Variants in TRAPPC9 observed in about 807,000 individuals in gnomAD.
TRAPPC9 encodes IKK2 binding protein.
A neutral mutation model predicts 124.0 loss-of-function variants in TRAPPC9; 83 were observed. The observed-to-expected ratio is 0.67, with a 90% CI of 0.56 to 0.80. The LOEUF is 0.80. TRAPPC9 is among the 30% of genes least tolerant of loss of function. The probability of loss-of-function intolerance (pLI) is 0.00; values close to 1 mark genes in which losing one functional copy is unlikely to be tolerated. For missense variants in TRAPPC9, 1,302 were observed against 1,508.3 expected (o/e 0.86, Z 2.27); for synonymous variants, 638 against 617.5 (o/e 1.03, Z -0.49).
intron 20 of TRAPPC9, among the ~76,000 whole-genome samples, chr8:139,893,532 G>T (rs1027620666): frequency 1.3e-5 from 2 of 152,264 alleles, no homozygotes; most frequent in African/African-American, 4.8e-5. Flanking sequence ...TTTCTTTGAA[G>T]CTCTCATGTC....
intron 9 of TRAPPC9, among the ~76,000 whole-genome samples, chr8:140,325,411 G>A (rs1256181714): frequency 3.3e-5 from 5 of 152,100 alleles, no homozygotes; most frequent in African/African-American, 1.2e-4. Flanking sequence ...TAAACCCCTA[G>A]AAGAGAAACA....
chr8:139,935,439 G>C (rs985885760), intron 19 of TRAPPC9, among the ~76,000 whole-genome samples: 4 of 152,166 alleles, frequency 2.6e-5, no homozygotes, highest in Non-Finnish European at 4.4e-5. Context: ...CGTTCTTACA[G>C]GAATTCAATG....
At chr8:140,029,194 G>C (rs968702461) in intron 17 of TRAPPC9, among the ~76,000 whole-genome samples, 5 of 152,190 alleles carry the variant, frequency 3.3e-5, no homozygotes, top group Non-Finnish European at 7.3e-5. Flanking sequence ...GCCAATTGAA[G>C]ACAAATCAAG....
At chr8:139,805,872 A>C (rs1372215990) in intron 21 of TRAPPC9, among the ~76,000 whole-genome samples, 1 of 152,196 alleles carries the variant, frequency 6.6e-6, no homozygotes, top group Admixed American at 6.5e-5. Flanking sequence ...CTGAACTAAA[A>C]TGCAAGCCTG....
At chr8:140,247,703 T>C (rs538116860) in intron 16 of TRAPPC9, among the ~76,000 whole-genome samples, 45 of 152,328 alleles carry the variant, frequency 3.0e-4, no homozygotes, top group Admixed American at 1.8e-3. Flanking sequence ...GTACGTTAGA[T>C]CTTCTTTGCC....
At chr8:139,998,815 G>C (rs931960526) in intron 18 of TRAPPC9, among the ~76,000 whole-genome samples, 1 of 152,158 alleles carries the variant, frequency 6.6e-6, no homozygotes, top group Non-Finnish European at 1.5e-5. Flanking sequence ...GGTTTACAAT[G>C]TATACAGATT....
intron 9 of TRAPPC9, among the ~76,000 whole-genome samples, chr8:140,323,719 T>C (rs1156634182): frequency 6.6e-6 from 1 of 152,000 alleles, no homozygotes; most frequent in Non-Finnish European, 1.5e-5. Context: ...ATATATTTTA[T>C]TCTCCCAAAT....
Position 140,182,070 on chromosome 8 carries a change from T to C in TRAPPC9, c.2556+39389A>G, listed in dbSNP as rs2062217918. Reference sequence around the variant, plus strand: ...CCAGGGAGCTGCAGCCTGAACTCCCTTCTTTACATCAGCATACAAGCCTAG... The same window carrying C: ...CCAGGGAGCTGCAGCCTGAACTCCCCTCTTTACATCAGCATACAAGCCTAG... On this transcript the variant is annotated intron_variant, in intron 17 of 22. Coordinates refer to ENST00000438773, the MANE Select transcript of TRAPPC9 (RefSeq NM_001160372.4). This position sits in a 1 kb window ranked among gnomAD's most constrained non-coding sequence, Gnocchi z 4.0. Among the ~76,000 whole-genome samples the C allele has an allele frequency of 6.6e-6, 1 of 152,158 alleles. No homozygotes were observed. Among genetic ancestry groups the C allele is most frequent in the African/African-American group, 2.4e-5 (1 of 41,450 alleles).
chr8:139,743,719 C>T (rs1428526082), intron 21 of TRAPPC9, among the ~76,000 whole-genome samples: 1 of 152,202 alleles, frequency 6.6e-6, no homozygotes, highest in Non-Finnish European at 1.5e-5. Context: ...CTGCCCTTCA[C>T]CAACACCGGG....
intron 18 of TRAPPC9, among the ~76,000 whole-genome samples, chr8:140,012,747 C>T (rs974355716): frequency 8.5e-5 from 13 of 152,206 alleles, no homozygotes; most frequent in African/African-American, 3.1e-4. Context: ...TCACCTGCAA[C>T]ACGGGGCAAC....
intron 9 of TRAPPC9, among the ~76,000 whole-genome samples, chr8:140,344,029 C>T (rs914808244): frequency 2.0e-5 from 3 of 152,030 alleles, no homozygotes; most frequent in African/African-American, 7.2e-5. Flanking sequence ...ACGTCTGTGT[C>T]CCCCCAAATT....
At chr8:140,029,331 C>T (rs554448147) in intron 17 of TRAPPC9, among the ~76,000 whole-genome samples, 61 of 152,344 alleles carry the variant, frequency 4.0e-4, no homozygotes, top group African/African-American at 1.4e-3. Flanking sequence ...ATGGCGAAAG[C>T]CCAACTCTAC....
At chr8:140,118,207 C>A (rs1424802392) in intron 17 of TRAPPC9, among the ~76,000 whole-genome samples, 2 of 152,192 alleles carry the variant, frequency 1.3e-5, no homozygotes, top group East Asian at 3.8e-4. Flanking sequence ...GGGTACAGCA[C>A]CCACAGAACA....
rs561659900 is a variant in TRAPPC9 at position 140,311,497 on chromosome 8, G to T, written c.1496-123C>A. On this transcript the variant is annotated intron_variant, in intron 9 of 22. Transcript: ENST00000438773. ...TCCAATCTTCTGACAGAAATGAAGG[G>T]GCAGTGAGCAAAAGAGACCAGAACA... 3.4e-6 allele frequency: 4 copies of T among 1,180,794 alleles called. No homozygotes were observed. The South Asian group carries it at 5.1e-5, about 15-fold the overall frequency. The allele number at this position is 1,180,794 out of a possible 1,614,324, so 73.1% of individuals were successfully genotyped here.
intron 17 of TRAPPC9, among the ~76,000 whole-genome samples, chr8:140,175,110 C>T (rs916808719): frequency 6.6e-6 from 1 of 151,066 alleles, no homozygotes; most frequent in Middle Eastern, 3.2e-3. Context: ...TGGTTTCAGT[C>T]GTCAAATCTC....
chr8:140,119,945 G>A (rs989927329), intron 17 of TRAPPC9, among the ~76,000 whole-genome samples: 21 of 152,160 alleles, frequency 1.4e-4, no homozygotes, highest in Non-Finnish European at 2.9e-5. Flanking sequence ...AGTACCCTTG[G>A]CAAGACTGAA....
At chr8:139,992,954 G>C (rs1015618655) in intron 18 of TRAPPC9, among the ~76,000 whole-genome samples, 1 of 151,812 alleles carries the variant, frequency 6.6e-6, no homozygotes, top group African/African-American at 2.4e-5. Flanking sequence ...AAAATCTTTA[G>C]ACAAAATATA....
At chr8:140,393,742 A>G (rs1280899505) in intron 7 of TRAPPC9, among the ~76,000 whole-genome samples, 2 of 152,244 alleles carry the variant, frequency 1.3e-5, no homozygotes, top group Non-Finnish European at 2.9e-5. Flanking sequence ...CAACTCATCA[A>G]TTCTACAATG....
intron 17 of TRAPPC9, among the ~76,000 whole-genome samples, chr8:140,090,786 C>T (rs1172705054): frequency 1.3e-5 from 2 of 152,246 alleles, no homozygotes; most frequent in Non-Finnish European, 2.9e-5. Context: ...GCTCATAGAG[C>T]AGCCTTGCCT....
Sources: allele counts gnomAD v4.1 joint callset (sites outside exome capture counted in the v4.1 genomes callset), GRCh38; gene constraint gnomAD v4.1.1; non-coding constraint Gnocchi (gnomAD v3.1); transcripts MANE v1.5; gene names NCBI Gene and HGNC (gene_info 2026-07-23, HGNC 2026-07-21).